Variants in HPCAL1 observed in about 807,000 individuals in gnomAD.
HPCAL1 encodes the protein hippocalcin like 1, also known as hippocalcin-like protein 1.
In HPCAL1, 8 loss-of-function variants were observed where a neutral mutation model predicts 17.1. The ratio of observed to expected loss-of-function variants is 0.47; its 90% CI spans 0.27 to 0.84. HPCAL1 has a LOEUF of 0.84. Among genes scored for constraint, HPCAL1 ranks in the 40% least tolerant of loss-of-function variants. The pLI is 0.13. For synonymous variants in HPCAL1, 112 were observed against 111.4 expected, an observed-to-expected ratio of 1.01 and a Z score of -0.03; for missense variants, 165 against 271.1, an observed-to-expected ratio of 0.61 and a Z score of 2.75.
intron 1 of HPCAL1, among the ~76,000 whole-genome samples, chr2:10,366,226 AT>A (rs990534620): frequency 6.6e-6 from 1 of 151,878 alleles, no homozygotes; most frequent in African/African-American, 2.4e-5. Context: ...AATTTGCTTT[AT>A]TTTGTTTTAT....
In HPCAL1 at chr2:10,345,695, G is replaced by A. The variant is rs1012310491; in HGVS notation, c.-111+42518G>A. 7.9e-5 allele frequency among the ~76,000 whole-genome samples: 12 copies of A among 152,034 alleles called. No individual in the cohort carries two copies. In the South Asian group the frequency reaches 1.7e-3, roughly 21 times the overall value. ...TGGTCTCGAACTCTTGGGCTTAAGC[G>A]ATCCTCTCACTTCAGCCTCCCAAAG... On this transcript the variant is annotated intron_variant, in intron 1 of 4. Coordinates refer to ENST00000307845, the MANE Select transcript of HPCAL1 (RefSeq NM_002149.4).
chr2:10,412,335 T>C (rs1304411721), intron 2 of HPCAL1, among the ~76,000 whole-genome samples: 1 of 152,120 alleles, frequency 6.6e-6, no homozygotes, highest in Admixed American at 6.5e-5. Flanking sequence ...ACATGACTGG[T>C]TGGGGAAATG....
Position 10,339,151 on chromosome 2 carries a change from T to C in HPCAL1, c.-111+35974T>C, listed in dbSNP as rs988709575. Among the ~76,000 whole-genome samples the C allele has an allele frequency of 2.6e-5, 4 of 152,050 alleles. No individual in the cohort carries two copies. In the South Asian group the frequency reaches 6.2e-4, roughly 24 times the overall value. ...ACTCATCTCTCTGTTTTATGTATAT[T>C]TGAAAAAAAAATTTTTTTTGAGATA... On this transcript the variant is annotated intron_variant, in intron 1 of 4. Coordinates refer to ENST00000307845, the MANE Select transcript of HPCAL1 (RefSeq NM_002149.4).
At chr2:10,307,576 G>C (rs1662702747) in intron 1 of HPCAL1, among the ~76,000 whole-genome samples, 1 of 152,194 alleles carries the variant, frequency 6.6e-6, no homozygotes, top group Non-Finnish European at 1.5e-5. Flanking sequence ...CACTGAAGCT[G>C]TGTCTCCTAC....
intron 2 of HPCAL1, among the ~76,000 whole-genome samples, chr2:10,413,838 G>A (rs532373270): frequency 3.2e-4 from 48 of 152,362 alleles, no homozygotes; most frequent in African/African-American, 1.2e-3. Context: ...TGAGGTGAGT[G>A]GATTCTTAAG....
chr2:10,318,100 C>T (rs1425286586), intron 1 of HPCAL1, among the ~76,000 whole-genome samples: 1 of 152,178 alleles, frequency 6.6e-6, no homozygotes, highest in East Asian at 1.9e-4. Flanking sequence ...TGTGCATATT[C>T]TTGGGTCTCT....
At chr2:10,411,464 T>G (rs1172418563) in intron 2 of HPCAL1, among the ~76,000 whole-genome samples, 1 of 152,198 alleles carries the variant, frequency 6.6e-6, no homozygotes, top group Non-Finnish European at 1.5e-5. Flanking sequence ...CTACAGGGAC[T>G]GGGCCTCCTG....
At chr2:10,393,388 G>A (rs1390517523) in intron 1 of HPCAL1, among the ~76,000 whole-genome samples, 1 of 152,220 alleles carries the variant, frequency 6.6e-6, no homozygotes, top group Non-Finnish European at 1.5e-5. Flanking sequence ...TTCCTGCTAG[G>A]AAGCCTGGTG....
chr2:10,311,218 A>G (rs969346798), intron 1 of HPCAL1, among the ~76,000 whole-genome samples: 3 of 151,900 alleles, frequency 2.0e-5, no homozygotes, highest in Non-Finnish European at 2.9e-5. Flanking sequence ...CTCTTCAGTC[A>G]TGCAGTTTGG....
intron 2 of HPCAL1, among the ~76,000 whole-genome samples, chr2:10,404,705 A>T (rs1669867099): frequency 6.6e-6 from 1 of 152,184 alleles, no homozygotes; most frequent in African/African-American, 2.4e-5. Flanking sequence ...CTGCTGTGGC[A>T]TGACTGGGCT....
At position 10,390,162 on chromosome 2, in the gene HPCAL1, G is replaced by A. The variant is rs551020213; in HGVS notation, c.-110-6673G>A. On this transcript the variant is annotated intron_variant, in intron 1 of 4. Transcript: ENST00000307845. ...CTAGTCATGACCACTCGCGGCTCAG[G>A]TGTTGGGTGGTCTTTCCAGACCTTC... Among the ~76,000 whole-genome samples, 49 of 152,326 alleles carry A rather than the reference G, an allele frequency of 3.2e-4. 1 individual carries two copies. Among genetic ancestry groups the A allele is most frequent in the Admixed American group, 9.1e-4 (14 of 15,306 alleles).
intron 1 of HPCAL1, among the ~76,000 whole-genome samples, chr2:10,376,105 C>T (rs1285236167): frequency 2.0e-5 from 3 of 151,886 alleles, no homozygotes; most frequent in South Asian, 2.1e-4. Context: ...CCATGTGACA[C>T]ATTGGCTCCC....
intron 1 of HPCAL1, among the ~76,000 whole-genome samples, chr2:10,314,438 T>C (rs958469832): frequency 6.6e-6 from 1 of 152,144 alleles, no homozygotes; most frequent in Non-Finnish European, 1.5e-5. Flanking sequence ...CAGGGACTCG[T>C]GGCGTAAGGG....
rs930185344 is a variant in HPCAL1 at position 10,377,863 on chromosome 2, C to T, written c.-110-18972C>T. On this transcript the variant is annotated intron_variant, in intron 1 of 4. Transcript: ENST00000307845. This position sits in a 1 kb window ranked among gnomAD's most constrained non-coding sequence, Gnocchi z 5.9. ...AGGCACGGGGGAGGGTATTCAAGGG[C>T]GGCAAGCCACCAAGGGGACGGGGCA... Among the ~76,000 whole-genome samples, 4 of 152,070 alleles carry T rather than the reference C, an allele frequency of 2.6e-5. No individual in the cohort carries two copies. Among genetic ancestry groups the T allele is most frequent in the African/African-American group, 7.2e-5 (3 of 41,416 alleles).
At chr2:10,382,777 C>G (rs2125541722) in intron 1 of HPCAL1, among the ~76,000 whole-genome samples, 1 of 152,284 alleles carries the variant, frequency 6.6e-6, no homozygotes, top group African/African-American at 2.4e-5. Flanking sequence ...ACCTCCTGTG[C>G]CCGGCTGCAG....
rs1462744283 is a variant in HPCAL1, at chr2:10,344,005, G to A, written c.-111+40828G>A. Among the ~76,000 whole-genome samples the A allele has an allele frequency of 1.3e-5, 2 of 152,188 alleles. No homozygotes were observed. The highest frequency in any genetic ancestry group is 2.9e-5 in the Non-Finnish European group (2 of 68,046). ...GCAGGAGTACCGGCGGCTGTGTGGTGCATCCTGCACAGAGCTGTTGCTTTC... is the reference window on the plus strand; with the variant it reads ...GCAGGAGTACCGGCGGCTGTGTGGTACATCCTGCACAGAGCTGTTGCTTTC... On this transcript the variant is annotated intron_variant, in intron 1 of 4. Coordinates refer to ENST00000307845, the MANE Select transcript of HPCAL1 (RefSeq NM_002149.4). The surrounding 1 kb of genome is among the most constrained non-coding windows in gnomAD (Gnocchi z 4.9).
In HPCAL1 at chr2:10,423,333, C is replaced by T. The variant is rs1572874016; in HGVS notation, c.484+245C>T. 5.7e-6 allele frequency: 3 copies of T among 522,206 alleles called. No individual in the cohort carries two copies. The East Asian group carries it at 1.0e-4, about 18-fold the overall frequency. The allele number at this position is 522,206 out of a possible 1,614,324, so 32.3% of individuals were successfully genotyped here. A position where few individuals can be genotyped will look rare whatever the true frequency, so the allele number is the denominator to read the frequency against. ...TGTTGTGGCCTCTCTGAGCCACTGT[C>T]TCCCCACTTATAGAATCGGGCATAC... On this transcript the variant is annotated intron_variant, in intron 4 of 4. Transcript: ENST00000307845.
At chr2:10,316,374 G>A (rs1407232973) in intron 1 of HPCAL1, among the ~76,000 whole-genome samples, 1 of 152,124 alleles carries the variant, frequency 6.6e-6, no homozygotes, top group Non-Finnish European at 1.5e-5. Context: ...GGGCCTGCTG[G>A]TCTCTAGCCC....
In HPCAL1 at chr2:10,330,888, G is replaced by A. The variant is rs6716188; in HGVS notation, c.-111+27711G>A. Among the ~76,000 whole-genome samples the A allele has an allele frequency of 0.24, 36,862 of 152,136 alleles. 4,587 individuals are homozygous for A. The highest frequency in any genetic ancestry group is 0.27 in the African/African-American group (11,368 of 41,502). On this transcript the variant is annotated intron_variant, in intron 1 of 4. Transcript: ENST00000307845. The surrounding 1 kb of genome is among the most constrained non-coding windows in gnomAD (Gnocchi z 4.2). ...GAATGCAGGTTCCCAGGCCCACACC[G>A]TGCTGGTTGAGTCAGAGCTTCTGGG...
Sources: gnomAD v4.1 joint callset for allele counts (sites outside exome capture counted in the v4.1 genomes callset) on GRCh38, gnomAD v4.1.1 for gene constraint, Gnocchi (gnomAD v3.1) non-coding constraint, MANE v1.5 for transcripts, NCBI Gene and HGNC (gene_info 2026-07-23, HGNC 2026-07-21) for gene names.